PCSK2: variants seen among roughly 807,000 people sequenced by gnomAD.
The protein encoded by PCSK2 is proprotein convertase subtilisin/kexin type 2.
Under a neutral mutation model 69.7 loss-of-function variants are expected in PCSK2, and 14 were observed. The observed-to-expected ratio is 0.20, with a 90% CI of 0.13 to 0.31. The LOEUF is 0.31. Among genes scored for constraint, PCSK2 ranks in the 10% least tolerant of loss-of-function variants. PCSK2 has a pLI of 1.00. For missense variants in PCSK2, 544 were observed against 842.5 expected (o/e 0.65, Z 4.39); for synonymous variants, 307 against 320.7 (o/e 0.96, Z 0.46).
chr20:17,477,753 T>C (rs1427806163), intron 11 of PCSK2, among the ~76,000 whole-genome samples: 2 of 152,228 alleles, frequency 1.3e-5, no homozygotes, highest in African/African-American at 4.8e-5. Context: ...CAATGAGTTA[T>C]GATTCCACTC....
chr20:17,277,305 C>T (rs1262590217), intron 2 of PCSK2, among the ~76,000 whole-genome samples: 1 of 152,152 alleles, frequency 6.6e-6, no homozygotes, highest in Non-Finnish European at 1.5e-5. Context: ...ATCACGCTAC[C>T]TGACTTCAAA....
At chr20:17,398,573 G>A (rs368634604) in intron 5 of PCSK2, among the ~76,000 whole-genome samples, 97 of 151,704 alleles carry the variant, frequency 6.4e-4, no homozygotes, top group African/African-American at 2.2e-3. Flanking sequence ...CTGGGCTGGG[G>A]CCTGAGATTC....
intron 11 of PCSK2, among the ~76,000 whole-genome samples, chr20:17,469,448 A>G (rs1048524213): frequency 3.9e-5 from 6 of 152,122 alleles, no homozygotes; most frequent in African/African-American, 1.4e-4. Flanking sequence ...GGTATATGCT[A>G]GGCCCATTTA....
chr20:17,260,575 C>A (rs900861169), intron 2 of PCSK2, among the ~76,000 whole-genome samples: 4 of 152,130 alleles, frequency 2.6e-5, no homozygotes, highest in Non-Finnish European at 5.9e-5. Context: ...ATTGGGATAC[C>A]ACCCTTTTAC....
At chr20:17,381,164 A>G (rs1325279033) in intron 5 of PCSK2, among the ~76,000 whole-genome samples, 1 of 152,190 alleles carries the variant, frequency 6.6e-6, no homozygotes, top group African/African-American at 2.4e-5. Flanking sequence ...CTGACTCCCA[A>G]CCTACGGGAA....
chr20:17,479,323 A>C (rs1261790379), intron 11 of PCSK2: 1 of 799,514 alleles, frequency 1.3e-6, no homozygotes, highest in Non-Finnish European at 2.2e-6. Context: ...ATGTTGTTGT[A>C]ATTATAATCT....
At chr20:17,239,848 T>A (rs1236588602) in intron 1 of PCSK2, among the ~76,000 whole-genome samples, 1 of 123,572 alleles carries the variant, frequency 8.1e-6, no homozygotes, top group Non-Finnish European at 1.7e-5. Context: ...ACACTTTTTT[T>A]TTTTTTTTTT....
At chr20:17,353,306 C>CA (rs1001799908) in intron 2 of PCSK2, among the ~76,000 whole-genome samples, 7 of 140,330 alleles carry the variant, frequency 5.0e-5, no homozygotes, top group African/African-American at 1.3e-4. Flanking sequence ...AAAAAAAATA[C>CA]AAAAAAAAAT....
chr20:17,412,659 C>G (rs2031902766), intron 6 of PCSK2, among the ~76,000 whole-genome samples: 1 of 152,146 alleles, frequency 6.6e-6, no homozygotes, highest in East Asian at 1.9e-4. Flanking sequence ...GGCCAACATT[C>G]AGATTCAGGA....
chr20:17,410,294 A>T (rs934473185), intron 6 of PCSK2, among the ~76,000 whole-genome samples: 1 of 152,226 alleles, frequency 6.6e-6, no homozygotes, highest in Non-Finnish European at 1.5e-5. Context: ...AATTATTTCC[A>T]AATCCACATT....
At chr20:17,348,878 TG>T (rs1455588075) in intron 2 of PCSK2, among the ~76,000 whole-genome samples, 1 of 152,178 alleles carries the variant, frequency 6.6e-6, no homozygotes, top group Non-Finnish European at 1.5e-5. Context: ...TCTGAGGTAC[TG>T]GGGGTAAGGA....
intron 5 of PCSK2, among the ~76,000 whole-genome samples, chr20:17,388,901 G>A (rs539732707): frequency 6.6e-6 from 1 of 152,206 alleles, no homozygotes; most frequent in Non-Finnish European, 1.5e-5. Flanking sequence ...TCTCAAGCAG[G>A]GGCCTGTATC....
intron 5 of PCSK2, among the ~76,000 whole-genome samples, chr20:17,390,460 A>G (rs2031343950): frequency 6.6e-6 from 1 of 152,176 alleles, no homozygotes; most frequent in Non-Finnish European, 1.5e-5. Flanking sequence ...GCCAGTTTAG[A>G]AATCAGTTAC....
intron 5 of PCSK2, among the ~76,000 whole-genome samples, chr20:17,400,025 T>C (rs1322879307): frequency 2.0e-5 from 3 of 152,138 alleles, no homozygotes; most frequent in African/African-American, 7.2e-5. Flanking sequence ...ACATCAACCT[T>C]GGATGAGACA....
At chr20:17,356,112 T>C (rs2030188804) in intron 2 of PCSK2, among the ~76,000 whole-genome samples, 1 of 152,174 alleles carries the variant, frequency 6.6e-6, no homozygotes, top group South Asian at 2.1e-4. Flanking sequence ...CATACACATA[T>C]ATATTTATAT....
chr20:17,400,505 A>G (rs1443428774), intron 5 of PCSK2, among the ~76,000 whole-genome samples: 1 of 152,206 alleles, frequency 6.6e-6, no homozygotes, highest in Non-Finnish European at 1.5e-5. Context: ...AATGCATACA[A>G]AATATCTAAG....
At chr20:17,332,189 G>A (rs1410863257) in intron 2 of PCSK2, among the ~76,000 whole-genome samples, 2 of 152,172 alleles carry the variant, frequency 1.3e-5, no homozygotes, top group Non-Finnish European at 2.9e-5. Context: ...TAAATGACTG[G>A]TTGAGGTTTG....
intron 2 of PCSK2, among the ~76,000 whole-genome samples, chr20:17,354,497 T>C (rs1483147658): frequency 6.6e-6 from 1 of 152,178 alleles, no homozygotes; most frequent in Non-Finnish European, 1.5e-5. Flanking sequence ...TTCTCTGACA[T>C]TAAGGGCTTT....
At chr20:17,402,420 C>T (rs1246933695) in intron 5 of PCSK2, among the ~76,000 whole-genome samples, 1 of 152,182 alleles carries the variant, frequency 6.6e-6, no homozygotes, top group Non-Finnish European at 1.5e-5. Flanking sequence ...AATCCCAGCA[C>T]TTTGGGAGGC....
Sources: gnomAD v4.1 joint callset for allele counts (sites outside exome capture counted in the v4.1 genomes callset) on GRCh38, gnomAD v4.1.1 for gene constraint, MANE v1.5 for transcripts, NCBI Gene and HGNC (gene_info 2026-07-23, HGNC 2026-07-21) for gene names.